CEP57: variants seen among roughly 807,000 people sequenced by gnomAD.
CEP57 encodes centrosomal protein of 57 kDa.
A neutral mutation model predicts 68.0 loss-of-function variants in CEP57; 40 were observed. The ratio of observed to expected loss-of-function variants is 0.59; its 90% CI spans 0.46 to 0.77. The LOEUF is 0.77. Ranked by LOEUF, CEP57 falls within the 30% of genes least tolerant of loss-of-function variation. CEP57 has a pLI of 0.00. For synonymous variants in CEP57, 219 were observed against 198.7 expected (o/e 1.10, Z -0.86); for missense variants, 606 against 580.7 (o/e 1.04, Z -0.45).
intron 4 of CEP57, chr11:95,815,106 T>G (rs1862247726): frequency 6.6e-6 from 1 of 152,246 alleles, no homozygotes; most frequent in Admixed American, 6.5e-5. Flanking sequence ...CTCGTATATT[T>G]TCAATCCACA....
chr11:95,830,425 C>T (rs923723126), intron 10 of CEP57, among the ~76,000 whole-genome samples: 1 of 152,122 alleles, frequency 6.6e-6, no homozygotes, highest in African/African-American at 2.4e-5. Context: ...TAGACTTATT[C>T]TATTGGAACA....
chr11:95,813,924 C>A (rs1050577365), intron 4 of CEP57, among the ~76,000 whole-genome samples: 4 of 152,200 alleles, frequency 2.6e-5, no homozygotes, highest in Admixed American at 2.0e-4. Context: ...TAGTAGATGA[C>A]TTTGTAAAAC....
At chr11:95,806,905 C>G (rs1622088) in intron 2 of CEP57, among the ~76,000 whole-genome samples, 9,914 of 152,244 alleles carry the variant, frequency 0.065, 413 homozygotes, top group Middle Eastern at 0.13. Flanking sequence ...GATCTGAGAA[C>G]GGACAGACTG....
intron 2 of CEP57, among the ~76,000 whole-genome samples, chr11:95,810,042 C>A (rs1861985190): frequency 6.6e-6 from 1 of 152,108 alleles, no homozygotes; most frequent in Admixed American, 6.5e-5. Flanking sequence ...AAGGCTGGTT[C>A]AACGTACACA....
At chr11:95,795,628 G>T in intron 1 of CEP57, 1 of 467,332 alleles carries the variant, frequency 2.1e-6, no homozygotes, top group Non-Finnish European at 3.8e-6. Context: ...AAGTATGTTT[G>T]CCATCTTTTC....
chr11:95,795,890 C>T (rs1365322617), intron 1 of CEP57, among the ~76,000 whole-genome samples: 1 of 152,134 alleles, frequency 6.6e-6, no homozygotes, highest in African/African-American at 2.4e-5. Context: ...TATTCATTAA[C>T]CTGGAAATAA....
intron 2 of CEP57, among the ~76,000 whole-genome samples, chr11:95,806,560 C>T (rs1565316737): frequency 6.6e-6 from 1 of 152,012 alleles, no homozygotes; most frequent in East Asian, 1.9e-4. Context: ...GCAAACGGCA[C>T]ACCAGGAGAT....
At chr11:95,800,861 T>A (rs1861547625) in intron 2 of CEP57, among the ~76,000 whole-genome samples, 1 of 152,358 alleles carries the variant, frequency 6.6e-6, no homozygotes, top group South Asian at 2.1e-4. Context: ...CTGTATCTTT[T>A]AAAATACACC....
At chr11:95,803,142 A>G (rs757182495) in intron 2 of CEP57, among the ~76,000 whole-genome samples, 4 of 152,136 alleles carry the variant, frequency 2.6e-5, no homozygotes, top group Non-Finnish European at 5.9e-5. Flanking sequence ...GTTGTGGGGA[A>G]TGAGGAAGAT....
chr11:95,822,976 C>A (rs1332034455), intron 8 of CEP57: 1 of 251,284 alleles, frequency 4.0e-6, no homozygotes, highest in East Asian at 9.2e-5. Flanking sequence ...GTCCTCACAT[C>A]CAGATCATTT....
At chr11:95,830,967 GA>G (rs1862978240) in intron 10 of CEP57, 58 bp from the exon 11 acceptor site, 24 of 1,390,798 alleles carry the variant, frequency 1.7e-5, no homozygotes, top group Middle Eastern at 2.4e-4. Flanking sequence ...TTTGTTGTCA[GA>G]AAAAAAATAT....
rs1318189176 is a variant in CEP57 at position 95,794,424 on chromosome 11, C to T, written c.45+3681C>T. 1.7e-5 allele frequency: 7 copies of T among 420,588 alleles called. No homozygotes were observed. The Admixed American group carries it at 1.8e-4, about 11-fold the overall frequency. 26.1% of individuals were successfully genotyped at this position (420,588 alleles called of 1,614,324 possible). A position where few individuals can be genotyped will look rare whatever the true frequency, so the allele number is the denominator to read the frequency against. On this transcript the variant is annotated intron_variant, in intron 1 of 10. Transcript: ENST00000325542. ...TTTTACCAAGTGATTATACCAACAACCCTCTTTATTTTATGTCCTCTTAAA... is the reference window on the plus strand; with the variant it reads ...TTTTACCAAGTGATTATACCAACAATCCTCTTTATTTTATGTCCTCTTAAA...
In CEP57 at chr11:95,805,983, C is replaced by T. The variant is rs569173619; in HGVS notation, c.202+6595C>T. ...TAAAAATACAAAGTTTATCTGATCT[C>T]GAGGTTGGGAAGAACTGTCCAAGTA... On this transcript the variant is annotated intron_variant, in intron 2 of 10. Transcript: ENST00000325542. Among the ~76,000 whole-genome samples, 9 of 152,090 alleles carry T rather than the reference C, an allele frequency of 5.9e-5. No individual in the cohort carries two copies. The South Asian group carries it at 1.9e-3, about 32-fold the overall frequency.
intron 8 of CEP57, among the ~76,000 whole-genome samples, chr11:95,823,765 C>T (rs1007904725): frequency 9.2e-5 from 14 of 152,182 alleles, no homozygotes; most frequent in African/African-American, 3.1e-4. Flanking sequence ...ACTTAAAATG[C>T]CACGTGACGC....
intron 1 of CEP57, among the ~76,000 whole-genome samples, chr11:95,793,882 G>A (rs1861216278): frequency 6.6e-6 from 1 of 152,056 alleles, no homozygotes; most frequent in African/African-American, 2.4e-5. Context: ...GCTGTACATG[G>A]CAAATGTTTC....
intron 3 of CEP57, 76 bp downstream of exon 3, chr11:95,813,187 C>T (rs1862145477): frequency 1.4e-6 from 2 of 1,410,388 alleles, no homozygotes; most frequent in South Asian, 1.2e-5. Context: ...AGAAATAGTA[C>T]ATTAGTGTTT....
chr11:95,795,445 T>G (rs1861299634), intron 1 of CEP57: 2 of 422,424 alleles, frequency 4.7e-6, no homozygotes, highest in South Asian at 1.4e-4. Context: ...TTTGTTCTAT[T>G]TAGTCATGAT....
At chr11:95,820,553 C>A in intron 6 of CEP57, among the ~76,000 whole-genome samples, 1 of 138,074 alleles carries the variant, frequency 7.2e-6, no homozygotes, top group Non-Finnish European at 1.5e-5. Flanking sequence ...ATCACACCAC[C>A]TGCATTCCAT....
chr11:95,809,520 C>T (rs1861956844), intron 2 of CEP57, among the ~76,000 whole-genome samples: 1 of 152,140 alleles, frequency 6.6e-6, no homozygotes, highest in Non-Finnish European at 1.5e-5. Context: ...AAGGAGATAT[C>T]ACTACCAATC....
Sources: gnomAD v4.1 joint callset for allele counts (sites outside exome capture counted in the v4.1 genomes callset) on GRCh38, gnomAD v4.1.1 for gene constraint, MANE v1.5 for transcripts, NCBI Gene and HGNC (gene_info 2026-07-23, HGNC 2026-07-21) for gene names.